ASAH2: variants seen among roughly 807,000 people sequenced by gnomAD.
ASAH2 encodes neutral ceramidase.
ASAH2 carries 58 observed loss-of-function variants against 82.9 expected under a neutral mutation model. The ratio of observed to expected loss-of-function variants is 0.70; its 90% CI spans 0.57 to 0.87. ASAH2 has a LOEUF of 0.87. Among genes scored for constraint, ASAH2 ranks in the 40% least tolerant of loss-of-function variants. The pLI is 0.00. For synonymous variants in ASAH2, 276 were observed against 289.7 expected, an observed-to-expected ratio of 0.95 and a Z score of 0.48; for missense variants, 779 against 834.0, an observed-to-expected ratio of 0.93 and a Z score of 0.81.
intron 2 of ASAH2, among the ~76,000 whole-genome samples, 155 bp from the exon 3 acceptor site, chr10:50,245,609 T>A (rs1182705628): frequency 6.6e-6 from 1 of 152,208 alleles, no homozygotes; most frequent in Non-Finnish European, 1.5e-5. Flanking sequence ...CTCAAGAACC[T>A]GTTTAAAAAT....
At chr10:50,208,120 A>G (rs898101367) in intron 12 of ASAH2, among the ~76,000 whole-genome samples, 14 of 152,108 alleles carry the variant, frequency 9.2e-5, no homozygotes, top group African/African-American at 3.4e-4. Context: ...CCATTTTATG[A>G]TAATAACACT....
chr10:50,221,087 G>A (rs1409630102), intron 7 of ASAH2, among the ~76,000 whole-genome samples: 1 of 152,106 alleles, frequency 6.6e-6, no homozygotes, highest in African/African-American at 2.4e-5. Flanking sequence ...TTGCCCCTGT[G>A]CTAAGGAATA....
At chr10:50,207,666 G>A (rs1203457760) in intron 12 of ASAH2, among the ~76,000 whole-genome samples, 1 of 151,092 alleles carries the variant, frequency 6.6e-6, no homozygotes, top group East Asian at 1.9e-4. Flanking sequence ...TAAAGAGATT[G>A]ATTCATAACA....
chr10:50,218,131 A>AG (rs1845656068), intron 8 of ASAH2, among the ~76,000 whole-genome samples: 1 of 3,396 alleles, frequency 2.9e-4, no homozygotes, highest in Non-Finnish European at 0.028. Context: ...CTCAAAAAAT[A>AG]AAATAAAAAT....
chr10:50,227,994 G>A (rs1465811057), intron 7 of ASAH2, among the ~76,000 whole-genome samples: 1 of 151,976 alleles, frequency 6.6e-6, no homozygotes, highest in African/African-American at 2.4e-5. Flanking sequence ...AACATGGAGC[G>A]GAACAAGAAA....
intron 2 of ASAH2, 139 bp from the exon 3 acceptor site, chr10:50,245,593 G>A (rs7077551): frequency 0.14 from 109,607 of 769,594 alleles, 12,899 homozygotes; most frequent in African/African-American, 0.43. Context: ...ATATAGACAG[G>A]AACAGCTCAA....
At chr10:50,216,571 T>C (rs1270480499) in intron 8 of ASAH2, among the ~76,000 whole-genome samples, 2 of 152,168 alleles carry the variant, frequency 1.3e-5, no homozygotes, top group African/African-American at 4.8e-5. Flanking sequence ...TAAAAATAAA[T>C]ATGCTCTTGG....
intron 8 of ASAH2, among the ~76,000 whole-genome samples, chr10:50,217,094 C>G (rs1303953600): frequency 6.6e-6 from 1 of 152,166 alleles, no homozygotes; most frequent in African/African-American, 2.4e-5. Flanking sequence ...GCTTCTCACT[C>G]TCTAGGGAAT....
At chr10:50,243,134 G>A (rs1289953496) in intron 4 of ASAH2, 68 bp downstream of exon 4, 3 of 1,554,744 alleles carry the variant, frequency 1.9e-6, no homozygotes, top group Non-Finnish European at 2.6e-6. Flanking sequence ...ATTATTTCCT[G>A]TCACATTCAC....
intron 6 of ASAH2, among the ~76,000 whole-genome samples, chr10:50,233,908 C>A (rs1846079308): frequency 6.6e-6 from 1 of 152,068 alleles, no homozygotes; most frequent in African/African-American, 2.4e-5. Flanking sequence ...GGGTTTATTT[C>A]TTACTCTTCT....
intron 7 of ASAH2, among the ~76,000 whole-genome samples, chr10:50,232,194 T>G (rs1312738157): frequency 3.9e-5 from 6 of 152,170 alleles, no homozygotes; most frequent in Admixed American, 1.3e-4. Flanking sequence ...TCAATTTTAC[T>G]GCAAGTTTTA....
chr10:50,249,176 A>G (rs1846551442), intron 1 of ASAH2, among the ~76,000 whole-genome samples: 1 of 152,166 alleles, frequency 6.6e-6, no homozygotes, highest in Non-Finnish European at 1.5e-5. Flanking sequence ...CTATGTTTTA[A>G]CTTTCAATTA....
chr10:50,212,864 T>G, intron 10 of ASAH2, 108 bp downstream of exon 10: 1 of 1,134,044 alleles, frequency 8.8e-7, no homozygotes, highest in East Asian at 2.3e-5. Context: ...CAGCACAACC[T>G]GAGCATTTGC....
At chr10:50,205,441 A>G (rs1484767959) in intron 13 of ASAH2, among the ~76,000 whole-genome samples, 1 of 151,552 alleles carries the variant, frequency 6.6e-6, no homozygotes, top group African/African-American at 2.4e-5. Flanking sequence ...AAGAATTTTA[A>G]TAGGATATTA....
At chr10:50,217,175 C>T (rs1564840696) in intron 8 of ASAH2, among the ~76,000 whole-genome samples, 2 of 151,854 alleles carry the variant, frequency 1.3e-5, no homozygotes, top group Admixed American at 6.6e-5. Context: ...TTCTCTCTTG[C>T]TTCCTCTTTC....
chr10:50,235,208 A>G (rs1051904757), intron 5 of ASAH2, among the ~76,000 whole-genome samples: 3 of 152,162 alleles, frequency 2.0e-5, no homozygotes, highest in Admixed American at 6.6e-5. Context: ...CAAAACATCA[A>G]TGTAAAGCAA....
chr10:50,197,462 T>C (rs1361908200), intron 17 of ASAH2, among the ~76,000 whole-genome samples: 3 of 151,792 alleles, frequency 2.0e-5, no homozygotes, highest in African/African-American at 7.2e-5. Flanking sequence ...TTTTTAATAG[T>C]GTCATAAAAA....
intron 8 of ASAH2, among the ~76,000 whole-genome samples, chr10:50,215,496 C>T (rs1455467440): frequency 6.6e-6 from 1 of 152,040 alleles, no homozygotes; most frequent in Non-Finnish European, 1.5e-5. Flanking sequence ...AGGAAGGGGT[C>T]CAGTTTCAGT....
At chr10:50,233,296 G>T in intron 6 of ASAH2, 35 bp from the exon 7 acceptor site, 1 of 1,469,140 alleles carries the variant, frequency 6.8e-7, no homozygotes, top group Non-Finnish European at 9.5e-7. Flanking sequence ...AGTCAGTTCT[G>T]TGTTAGAGCC....
Sources: gnomAD v4.1 joint callset for allele counts (sites outside exome capture counted in the v4.1 genomes callset) on GRCh38, gnomAD v4.1.1 for gene constraint, MANE v1.5 for transcripts, NCBI Gene and HGNC (gene_info 2026-07-23, HGNC 2026-07-21) for gene names.